PCNX2: variants seen among roughly 807,000 people sequenced by gnomAD.
PCNX2 encodes the protein pecanex-like protein 2.
PCNX2 carries 168 observed loss-of-function variants against 223.8 expected under a neutral mutation model. The ratio of observed to expected loss-of-function variants is 0.75; its 90% CI spans 0.66 to 0.85. PCNX2 has a LOEUF of 0.85. Ranked by LOEUF, PCNX2 falls within the 40% of genes least tolerant of loss-of-function variation. The pLI is 0.00. For missense variants in PCNX2, 2,507 were observed against 2,675.5 expected (o/e 0.94, Z 1.39); for synonymous variants, 1,006 against 1,052.6 (o/e 0.96, Z 0.86).
At chr1:233,161,584 G>C (rs1678483684) in intron 17 of PCNX2, among the ~76,000 whole-genome samples, 1 of 152,126 alleles carries the variant, frequency 6.6e-6, no homozygotes, top group Admixed American at 6.5e-5. Flanking sequence ...AGTGGTGGGG[G>C]AGAGGAATCA....
At chr1:233,245,457 G>T (rs1032918990) in intron 8 of PCNX2, among the ~76,000 whole-genome samples, 6 of 152,230 alleles carry the variant, frequency 3.9e-5, no homozygotes, top group African/African-American at 7.2e-5. Context: ...AGCCTGCAGG[G>T]AATCACCTAG....
intron 25 of PCNX2, chr1:233,047,263 A>G: frequency 1.6e-6 from 1 of 631,920 alleles, no homozygotes; most frequent in Non-Finnish European, 2.0e-6. Context: ...GTTATGCCTC[A>G]AGATATAATT....
At chr1:233,249,059 G>A (rs1659297298) in intron 8 of PCNX2, among the ~76,000 whole-genome samples, 1 of 152,240 alleles carries the variant, frequency 6.6e-6, no homozygotes, top group African/African-American at 2.4e-5. Context: ...AACAGGTCAT[G>A]CTAGAAGAGG....
At chr1:233,235,985 T>TATATATATATATATATATATAA (rs1265599637) in intron 9 of PCNX2, among the ~76,000 whole-genome samples, 4 of 143,632 alleles carry the variant, frequency 2.8e-5, no homozygotes. Flanking sequence ...TATATATATA[T>TATATATATATATATATATATAA]AATTATATTA....
chr1:233,096,870 C>A (rs1318209753), intron 21 of PCNX2, among the ~76,000 whole-genome samples: 5 of 152,164 alleles, frequency 3.3e-5, no homozygotes, highest in Non-Finnish European at 2.9e-5. Context: ...GATAACTGAG[C>A]CCTTCCATGA....
intron 15 of PCNX2, among the ~76,000 whole-genome samples, chr1:233,184,995 T>C (rs968534418): frequency 1.3e-5 from 2 of 151,710 alleles, no homozygotes; most frequent in African/African-American, 4.8e-5. Context: ...GCAAACCACC[T>C]GGATCTTCTG....
At chr1:233,063,054 C>T (rs1219649800) in intron 23 of PCNX2, among the ~76,000 whole-genome samples, 1 of 152,070 alleles carries the variant, frequency 6.6e-6, no homozygotes, top group East Asian at 1.9e-4. Flanking sequence ...CTGGCCAACA[C>T]AGTGAAACCC....
At chr1:233,155,645 CATA>C (rs1678074911) in intron 19 of PCNX2, among the ~76,000 whole-genome samples, 2 of 152,144 alleles carry the variant, frequency 1.3e-5, no homozygotes, top group African/African-American at 2.4e-5. Flanking sequence ...AGCCAAGAAT[CATA>C]ATATTATGGA....
chr1:232,989,092 G>C (rs60079461), intron 32 of PCNX2, among the ~76,000 whole-genome samples: 4,079 of 152,228 alleles, frequency 0.027, 159 homozygotes, highest in African/African-American at 0.09. Context: ...AGTTATGTGA[G>C]TTGAGTCTTG....
At chr1:233,266,928 C>T (rs10910122) in intron 1 of PCNX2, among the ~76,000 whole-genome samples, 43,835 of 152,004 alleles carry the variant, frequency 0.29, 6,520 homozygotes, top group South Asian at 0.42. Context: ...TAAGCAGTTA[C>T]AGTTCTTCCC....
rs1366255119 is a variant in PCNX2, at chr1:233,141,725, GTAAA to G, written c.3518-1874_3518-1871del. The stretch of plus-strand genomic sequence containing the variant: ...TGTGTGTATATATATATCTGTGTGT[GTAAA>G]TGTGTATATATATATATGGGTATAT... On this transcript the variant is annotated intron_variant, in intron 19 of 33. Transcript: ENST00000258229. Among the ~76,000 whole-genome samples, 11 of 102,276 alleles carry G rather than the reference GTAAA, an allele frequency of 1.1e-4. 1 individual carries two copies. The highest frequency in any genetic ancestry group is 7.9e-4 in the East Asian group (3 of 3,776). 67.1% of individuals were successfully genotyped at this position (102,276 alleles called of 152,430 possible).
chr1:233,236,551 T>G (rs1270320319), intron 9 of PCNX2, among the ~76,000 whole-genome samples: 1 of 151,986 alleles, frequency 6.6e-6, no homozygotes, highest in Non-Finnish European at 1.5e-5. Flanking sequence ...TGAGCTCTTG[T>G]GAGACTTATG....
intron 21 of PCNX2, among the ~76,000 whole-genome samples, chr1:233,108,219 G>T (rs1457892388): frequency 3.3e-5 from 5 of 152,144 alleles, no homozygotes; most frequent in Non-Finnish European, 1.5e-5. Context: ...ACTTTCTACT[G>T]CAGACTCACC....
At chr1:233,099,457 C>T (rs1262240440) in intron 21 of PCNX2, among the ~76,000 whole-genome samples, 3 of 152,152 alleles carry the variant, frequency 2.0e-5, no homozygotes, top group African/African-American at 7.2e-5. Flanking sequence ...AAATATGATA[C>T]TACCCAAAAA....
intron 1 of PCNX2, among the ~76,000 whole-genome samples, chr1:233,277,082 A>G (rs551344197): frequency 6.6e-5 from 10 of 152,352 alleles, no homozygotes; most frequent in Admixed American, 5.9e-4. Flanking sequence ...CAATGGGCCA[A>G]AGTGTGCAAA....
chr1:233,035,311 A>C (rs1391629537), intron 25 of PCNX2, among the ~76,000 whole-genome samples: 1 of 152,262 alleles, frequency 6.6e-6, no homozygotes, highest in Non-Finnish European at 1.5e-5. Context: ...TTTTGTTCCC[A>C]ATAATCAAAT....
chr1:233,108,092 G>A (rs1215002692), intron 21 of PCNX2, among the ~76,000 whole-genome samples: 1 of 152,194 alleles, frequency 6.6e-6, no homozygotes. Flanking sequence ...TCCACCCCTT[G>A]TTTAGCATAT....
chr1:233,112,941 C>G, intron 21 of PCNX2: 1 of 1,289,350 alleles, frequency 7.8e-7, no homozygotes, highest in Non-Finnish European at 1.0e-6. Context: ...TAAGGGAAAT[C>G]ATCCTCTTTG....
intron 9 of PCNX2, among the ~76,000 whole-genome samples, chr1:233,233,559 T>C (rs1473013027): frequency 6.6e-6 from 1 of 152,034 alleles, no homozygotes; most frequent in Non-Finnish European, 1.5e-5. Flanking sequence ...ACACACTGTA[T>C]TTGTACCAGG....
Sources: gnomAD v4.1 joint callset for allele counts (sites outside exome capture counted in the v4.1 genomes callset) on GRCh38, gnomAD v4.1.1 for gene constraint, MANE v1.5 for transcripts, NCBI Gene and HGNC (gene_info 2026-07-23, HGNC 2026-07-21) for gene names.